Variants in NEB observed in about 807,000 individuals in gnomAD.
NEB encodes the protein nebulin.
Under a neutral mutation model 952.2 loss-of-function variants are expected in NEB, and 512 were observed. The ratio of observed to expected loss-of-function variants is 0.54; its 90% CI spans 0.50 to 0.58. The LOEUF (loss-of-function observed/expected upper bound fraction) is 0.58, where lower values mean the gene tolerates loss of function less well. Among genes scored for constraint, NEB ranks in the 20% least tolerant of loss-of-function variants. NEB has a pLI of 0.00. For missense variants in NEB, 8,428 were observed against 9,231.1 expected (o/e 0.91, Z 3.56); for synonymous variants, 2,900 against 3,149.8 (o/e 0.92, Z 2.66).
chr2:151,697,236 T>C lies in NEB; in HGVS notation c.1382A>G (p.Glu461Gly), dbSNP rs1217309878. ...AQNSDKNYKA[E>G]YEEDRGKGFF... ...GCCTTTGCCTCTGTCTTCTTCGTATTCTGCTTTGTAGTTTTTCTATGAGGA... is the reference window on the plus strand; with the variant it reads ...GCCTTTGCCTCTGTCTTCTTCGTATCCTGCTTTGTAGTTTTTCTATGAGGA... The change falls in exon 16 of 182, where the codon GAA becomes GGA. Residue 461 changes from glutamate to glycine, a missense_variant. This residue lies in a region of NEB where 2,851 missense variants were observed against 2,791.5 expected (regional missense o/e 1.02). Coordinates refer to ENST00000397345, the MANE Select transcript of NEB (RefSeq NM_001164508.2). The C allele has an allele frequency of 1.9e-6, 3 of 1,613,930 alleles. No homozygotes were observed. In the South Asian group the frequency reaches 3.3e-5, roughly 18 times the overall value.
Position 151,674,514 on chromosome 2 carries a change from A to G in NEB, c.3950T>C (p.Ile1317Thr), listed in dbSNP as rs2099343806. 1 of 1,613,926 alleles carries G rather than the reference A, an allele frequency of 6.2e-7. No individual in the cohort carries two copies. The highest frequency in any genetic ancestry group is 1.3e-5 in the African/African-American group (1 of 74,946). The change falls in exon 36 of 182, where the codon ATC (isoleucine) becomes ACC (threonine). Residue 1317 changes from isoleucine (I) to threonine (T), a missense_variant. Coordinates refer to ENST00000397345, the MANE Select transcript of NEB (RefSeq NM_001164508.2). The part of the protein sequence containing the change: ...GNNVLGDAIP[I>T]TAAKASRNIA... ...GTTTCTCGATGCCTTGGCTGCAGTG[A>G]TGGGAATAGCATCGCCCAGCACATT...
chr2:151,661,839 T>A (rs1231556355), intron 46 of NEB, among the ~76,000 whole-genome samples: 2 of 152,172 alleles, frequency 1.3e-5, no homozygotes, highest in Non-Finnish European at 2.9e-5. Flanking sequence ...GTCATGAATG[T>A]CTATTCAACC....
At chr2:151,525,088 G>A (rs1033727736) in intron 151 of NEB, 75 bp downstream of exon 151, 5 of 1,050,584 alleles carry the variant, frequency 4.8e-6, no homozygotes, top group Non-Finnish European at 7.4e-6. Flanking sequence ...ACCACACACT[G>A]GAACAAGAGA....
In NEB at chr2:151,655,970, TGG is replaced by T. The variant is rs1381699792; in HGVS notation, c.6547_6548del (p.Pro2183SerfsTer14). The T allele has an allele frequency of 6.2e-7, 1 of 1,613,666 alleles. No individual in the cohort carries two copies. The highest frequency in any genetic ancestry group is 2.2e-5 in the East Asian group (1 of 44,896). On this transcript the variant is annotated frameshift_variant, in exon 50 of 182. Coordinates refer to ENST00000397345, the MANE Select transcript of NEB (RefSeq NM_001164508.2). LOFTEE classifies it high-confidence loss of function. ...NEWYKGLGWS[P>X]AGSLEVEKAK... The stretch of plus-strand genomic sequence containing the variant: ...CCTTCTCCACTTCCAGAGAACCTGC[TGG>T]ACTCCAGCCAAGCCCTTTGTACCAT...
At chr2:151,570,469 AAC>A (rs1491095032) in intron 108 of NEB, 26 bp downstream of exon 108, 2 of 1,585,494 alleles carry the variant, frequency 1.3e-6, no homozygotes, top group South Asian at 2.4e-5. Flanking sequence ...GAAAAAAAAA[AAC>A]TGAGAAGTTA....
intron 36 of NEB, 80 bp downstream of exon 36, chr2:151,674,397 A>C (rs923924076): frequency 9.4e-7 from 1 of 1,063,280 alleles, no homozygotes; most frequent in African/African-American, 1.6e-5. Context: ...ATTTCTTTCA[A>C]TAAGGTATCA....
chr2:151,579,407 G>A lies in NEB; in HGVS notation c.16635C>T (p.His5545=), dbSNP rs1301114109. 1 of 1,531,616 alleles carries A rather than the reference G, an allele frequency of 6.5e-7. No homozygotes were observed. The highest frequency in any genetic ancestry group is 8.8e-7 in the Non-Finnish European group (1 of 1,133,986). The allele number at this position is 1,531,616 out of a possible 1,614,324, so 94.9% of individuals were successfully genotyped here. ...TCTGGTCGGGAAAGCAAGACCAGCG[G>A]TGCAGGTAATGGCGATAGTCCACAT... ...ASDVDYRHYL[H]RWSCFPDQND... The change falls in exon 105 of 182, where the codon CAC becomes CAT. Residue 5545 remains histidine (H), a synonymous_variant. Coordinates refer to ENST00000397345, the MANE Select transcript of NEB (RefSeq NM_001164508.2).
At chr2:151,613,652 T>C (rs903229354) in intron 77 of NEB, among the ~76,000 whole-genome samples, 2 of 152,196 alleles carry the variant, frequency 1.3e-5, no homozygotes, top group Non-Finnish European at 2.9e-5. Flanking sequence ...TAATCCTCAA[T>C]GTTGGAGGAG....
intron 9 of NEB, among the ~76,000 whole-genome samples, chr2:151,720,678 G>A (rs2099771756): frequency 6.6e-6 from 1 of 152,080 alleles, no homozygotes; most frequent in African/African-American, 2.4e-5. Context: ...CTGTCTTCTT[G>A]GAAACCTCTC....
chr2:151,722,093 C>G (rs1012862404), intron 9 of NEB, among the ~76,000 whole-genome samples: 1 of 152,156 alleles, frequency 6.6e-6, no homozygotes, highest in Non-Finnish European at 1.5e-5. Flanking sequence ...ACCATAGATT[C>G]CATTAGAAGT....
At chr2:151,682,822 T>C in intron 28 of NEB, 53 bp from the exon 29 acceptor site, 2 of 1,460,574 alleles carry the variant, frequency 1.4e-6, no homozygotes, top group Non-Finnish European at 1.9e-6. Flanking sequence ...CCTCATTATG[T>C]AAAATCATCA....
intron 163 of NEB, among the ~76,000 whole-genome samples, chr2:151,506,532 A>G (rs2069039018): frequency 6.6e-6 from 1 of 152,228 alleles, no homozygotes; most frequent in South Asian, 2.1e-4. Flanking sequence ...GTTGATTAAC[A>G]ACAAAACCCT....
chr2:151,663,821 T>C lies in NEB; in HGVS notation c.5490A>G (p.Lys1830=), dbSNP rs2099173105. 1 of 1,613,720 alleles carries C rather than the reference T, an allele frequency of 6.2e-7. No individual in the cohort carries two copies. The highest frequency in any genetic ancestry group is 1.3e-5 in the African/African-American group (1 of 74,926). Residue 1830 remains lysine, a synonymous_variant, in exon 45 of 182, where the codon AAA becomes AAG. Transcript: ENST00000397345. ...YKKAYEQAKG[K]HIGFRSLEDD... Reference sequence around the variant, plus strand: ...CTTCCAGGCTCCGGAAGCCAATGTGTTTCCCTTTGGCTTGTTCATAGGCTT... The same window carrying C: ...CTTCCAGGCTCCGGAAGCCAATGTGCTTCCCTTTGGCTTGTTCATAGGCTT...
At chr2:151,662,451 C>T in intron 45 of NEB, 110 bp from the exon 46 acceptor site, 1 of 941,284 alleles carries the variant, frequency 1.1e-6, no homozygotes. Context: ...TTTTCTGTAA[C>T]TTTTCCACTT....
intron 32 of NEB, 54 bp downstream of exon 32, chr2:151,679,667 A>AACC: frequency 6.2e-6 from 3 of 486,370 alleles, no homozygotes; most frequent in Admixed American, 2.3e-5. Flanking sequence ...TCAGACCCCA[A>AACC]GCCCACCCAC....
intron 153 of NEB, among the ~76,000 whole-genome samples, chr2:151,521,555 G>A (rs920778703): frequency 6.6e-6 from 1 of 152,196 alleles, no homozygotes; most frequent in Non-Finnish European, 1.5e-5. Context: ...AACCAGATAT[G>A]CAGAGTCAGA....
At chr2:151,733,492 C>G (rs2099813686) in intron 2 of NEB, among the ~76,000 whole-genome samples, 1 of 152,056 alleles carries the variant, frequency 6.6e-6, no homozygotes, top group Non-Finnish European at 1.5e-5. Context: ...ATTTAAACTT[C>G]CAAACACTTA....
rs138833499 is a variant in NEB, at chr2:151,629,370, C to T, written c.9831+169G>A. On this transcript the variant is annotated intron_variant, in intron 68 of 181. Coordinates refer to ENST00000397345, the MANE Select transcript of NEB (RefSeq NM_001164508.2). ...CCTGGGACATAGATACTGAAGTCTT[C>T]CGAAGCTTAAAACATGAGTTTTTTC... Among the ~76,000 whole-genome samples, 549 of 152,234 alleles carry T rather than the reference C, an allele frequency of 3.6e-3. 9 individuals are homozygous for T. Among genetic ancestry groups the T allele is most frequent in the East Asian group, 0.025 (128 of 5,186 alleles).
In NEB at chr2:151,697,396, T is replaced by A; in HGVS notation, c.1319A>T (p.Asp440Val). The stretch of plus-strand genomic sequence containing the variant: ...TTTCATGCAGTGTGAATGGTATGGA[T>A]CCTCGAAGCTGCCTACATAATGTCC... ...ILGHYVGSFE[D>V]PYHSHCMKVT... The change falls in exon 15 of 182, where the codon GAT (aspartate) becomes GTT (valine). Residue 440 changes from aspartate (D) to valine (V), a missense_variant. Physicochemically the swap from Asp to Val is radical, Grantham distance 152. Around this residue, in one of 11 missense-constraint regions of NEB, gnomAD observed 2,851 missense variants for 2,791.5 expected, o/e 1.02. Transcript: ENST00000397345. 6.2e-7 allele frequency: 1 copy of A among 1,614,016 alleles called. No individual in the cohort carries two copies. The highest frequency in any genetic ancestry group is 8.5e-7 in the Non-Finnish European group (1 of 1,179,878).
Sources: allele counts gnomAD v4.1 joint callset (sites outside exome capture counted in the v4.1 genomes callset), GRCh38; gene constraint gnomAD v4.1.1; regional missense constraint gnomAD v4.1.1; transcripts MANE v1.5; gene names NCBI Gene and HGNC (gene_info 2026-07-23, HGNC 2026-07-21).